Variants in RGS3 observed in about 807,000 individuals in gnomAD.
RGS3 encodes regulator of G-protein signalling 3.
Under a neutral mutation model 132.6 loss-of-function variants are expected in RGS3, and 80 were observed. The observed-to-expected ratio is 0.60, with a 90% CI of 0.50 to 0.73. The LOEUF (loss-of-function observed/expected upper bound fraction) is 0.73, where lower values mean the gene tolerates loss of function less well. RGS3 is among the 30% of genes least tolerant of loss of function. The pLI is 0.00. For synonymous variants in RGS3, 598 were observed against 620.6 expected, an observed-to-expected ratio of 0.96 and a Z score of 0.54; for missense variants, 1,382 against 1,530.8, an observed-to-expected ratio of 0.90 and a Z score of 1.62.
At chr9:113,567,024 C>G (rs1834043642) in intron 19 of RGS3, among the ~76,000 whole-genome samples, 1 of 152,282 alleles carries the variant, frequency 6.6e-6, no homozygotes. Context: ...CAAGCCCAGA[C>G]TGGCTTCTGA....
At chr9:113,529,376 A>T (rs1401525893) in intron 18 of RGS3, 112 bp downstream of exon 16, 6 of 954,018 alleles carry the variant, frequency 6.3e-6, no homozygotes, top group Non-Finnish European at 8.5e-6. Flanking sequence ...ATACCCACTC[A>T]TGCCGAAGTC....
At chr9:113,560,716 C>T (rs1833749753) in intron 19 of RGS3, among the ~76,000 whole-genome samples, 1 of 152,188 alleles carries the variant, frequency 6.6e-6, no homozygotes. Context: ...GGCTGTGAGC[C>T]CCAGGAAGTA....
At chr9:113,456,695 G>A (rs1389054820), upstream of RGS3, among the ~76,000 whole-genome samples, 1 of 151,080 alleles carries the variant, frequency 6.6e-6, no homozygotes, top group East Asian at 1.9e-4. Flanking sequence ...TTTCTAAAAT[G>A]TGAATTAAAG....
At chr9:113,553,459 A>AAAAAAAAATATATAT (rs1426114805) in intron 19 of RGS3, among the ~76,000 whole-genome samples, 4 of 58,698 alleles carry the variant, frequency 6.8e-5, no homozygotes, top group East Asian at 4.3e-4. Context: ...AAAAAAAAAA[A>AAAAAAAAATATATAT]ATATATATAT....
At chr9:113,492,998 G>T (rs578147009) in intron 7 of RGS3, among the ~76,000 whole-genome samples, 298 of 152,338 alleles carry the variant, frequency 2.0e-3, no homozygotes, top group East Asian at 4.4e-3. Flanking sequence ...CATTGGCCTG[G>T]AGACTTTGAA....
chr9:113,572,173 G>A (rs1011168585), intron 19 of RGS3, among the ~76,000 whole-genome samples: 5 of 152,090 alleles, frequency 3.3e-5, no homozygotes, highest in Admixed American at 6.6e-5. Context: ...AGAGGTTGGC[G>A]GGGGCAGAAC....
At chr9:113,501,300 G>T (rs969326028) in intron 10 of RGS3, 11 of 803,616 alleles carry the variant, frequency 1.4e-5, no homozygotes, top group Non-Finnish European at 2.0e-5. Context: ...CCCTCTCCCC[G>T]CCGGGCCCGG....
At chr9:113,464,942 T>C (rs751349157) in intron 3 of RGS3, among the ~76,000 whole-genome samples, 29 of 152,170 alleles carry the variant, frequency 1.9e-4, no homozygotes, top group Non-Finnish European at 4.0e-4. Context: ...GAGGGAATGA[T>C]GGAAGAGCAG....
Position 113,463,259 on chromosome 9 carries a change from G to T in RGS3, c.415+1058G>T, listed in dbSNP as rs1277059806. Among the ~76,000 whole-genome samples the T allele has an allele frequency of 2.0e-5, 3 of 152,232 alleles. No individual in the cohort carries two copies. Among genetic ancestry groups the T allele is most frequent in the East Asian group, 3.8e-4 (2 of 5,196 alleles). On this transcript the variant is annotated intron_variant, in intron 3 of 24. Coordinates refer to ENST00000350696, the Ensembl canonical transcript of RGS3. The surrounding 1 kb of genome is among the most constrained non-coding windows in gnomAD (Gnocchi z 4.6). Reference sequence around the variant, plus strand: ...GTTTGGGAAGAGGATGCAGCATGGTGGGGGGCGACCTGTCCAAGCGCAGAG... The same window carrying T: ...GTTTGGGAAGAGGATGCAGCATGGTTGGGGGCGACCTGTCCAAGCGCAGAG...
intron 19 of RGS3, among the ~76,000 whole-genome samples, chr9:113,552,679 A>C (rs1210725447): frequency 6.6e-6 from 1 of 152,158 alleles, no homozygotes; most frequent in Non-Finnish European, 1.5e-5. Context: ...TATCGTTGAG[A>C]CTTTTATTGT....
At position 113,541,835 on chromosome 9, in the gene RGS3, C is replaced by G. The variant is rs184034433; in HGVS notation, c.2037+4917C>G. 54 of 991,170 alleles carry G rather than the reference C, an allele frequency of 5.4e-5. No homozygotes were observed. In the East Asian group the frequency reaches 4.3e-3, roughly 80 times the overall value. 61.4% of individuals were successfully genotyped at this position (991,170 alleles called of 1,614,324 possible). A position where few individuals can be genotyped will look rare whatever the true frequency, so the allele number is the denominator to read the frequency against. On this transcript the variant is annotated intron_variant, in intron 19 of 24. Coordinates refer to ENST00000350696, the Ensembl canonical transcript of RGS3. ...CTGCCAGAGGACATCTCCGCCCATC[C>G]ACTCATTTTCCACCTGTACACATTG...
At chr9:113,454,671 C>CTTGCT (rs1333686882) in intron 1 of RGS3, among the ~76,000 whole-genome samples, 2 of 143,396 alleles carry the variant, frequency 1.4e-5, no homozygotes, top group Non-Finnish European at 3.0e-5. Flanking sequence ...CCTTTTGGGT[C>CTTGCT]TTGCTTTTAA....
In RGS3 at chr9:113,463,592, C is replaced by T. The variant is rs375515930; in HGVS notation, c.415+1391C>T. 4 of 980,732 alleles carry T rather than the reference C, an allele frequency of 4.1e-6. No homozygotes were observed. Among genetic ancestry groups the T allele is most frequent in the East Asian group, 3.6e-5 (1 of 27,632 alleles). The allele number at this position is 980,732 out of a possible 1,614,324, so 60.8% of individuals were successfully genotyped here. On this transcript the variant is annotated intron_variant, in intron 3 of 24. Coordinates refer to ENST00000350696, the Ensembl canonical transcript of RGS3. The surrounding 1 kb of genome is among the most constrained non-coding windows in gnomAD (Gnocchi z 4.6). ...CGCGGGTCGGCGGCGCCGCCTCCCC[C>T]ACCCCGGCCCAGCTCTGCTCCGGCA...
At chr9:113,558,849 A>G (rs866524999) in intron 19 of RGS3, among the ~76,000 whole-genome samples, 1 of 152,208 alleles carries the variant, frequency 6.6e-6, no homozygotes, top group Non-Finnish European at 1.5e-5. Context: ...AACACAATCA[A>G]TCTTGCTACC....
exon 20 of RGS3, chr9:113,583,989 C>T (rs745326516): frequency 6.2e-7 from 1 of 1,614,118 alleles, no homozygotes; most frequent in Non-Finnish European, 8.5e-7. Flanking sequence ...TCCCTGAGGT[C>T]CGGCTGGATA....
chr9:113,457,558 A>T (rs537615469), upstream of RGS3, among the ~76,000 whole-genome samples: 1 of 152,352 alleles, frequency 6.6e-6, no homozygotes, highest in East Asian at 1.9e-4. Context: ...TAGCCACAGA[A>T]GTCTCAGTCC....
intron 19 of RGS3, among the ~76,000 whole-genome samples, chr9:113,564,381 T>C (rs756501555): frequency 6.6e-6 from 1 of 152,294 alleles, no homozygotes; most frequent in Middle Eastern, 3.4e-3. Flanking sequence ...ACGGAGTTCA[T>C]GCTCAAGAAA....
intron 16 of RGS3, 109 bp from the exon 15 acceptor site, chr9:113,522,821 A>T (rs1337175180): frequency 1.3e-6 from 1 of 761,840 alleles, no homozygotes; most frequent in African/African-American, 1.7e-5. Flanking sequence ...GATGATGAGG[A>T]TGCATTATCT....
At chr9:113,518,366 G>A (rs989295279) in intron 16 of RGS3, among the ~76,000 whole-genome samples, 1 of 152,226 alleles carries the variant, frequency 6.6e-6, no homozygotes, top group Non-Finnish European at 1.5e-5. Flanking sequence ...GAAAGATCAG[G>A]AAACTTGGAG....
Sources: gnomAD v4.1 joint callset for allele counts (sites outside exome capture counted in the v4.1 genomes callset) on GRCh38, gnomAD v4.1.1 for gene constraint, Gnocchi (gnomAD v3.1) non-coding constraint, MANE v1.5 for transcripts, NCBI Gene and HGNC (gene_info 2026-07-23, HGNC 2026-07-21) for gene names.